Variants in PTPRO observed in about 807,000 individuals in gnomAD.
The protein encoded by PTPRO is protein tyrosine phosphatase receptor type O.
A neutral mutation model predicts 145.2 loss-of-function variants in PTPRO; 62 were observed. That is an observed-to-expected ratio of 0.43 (90% CI 0.35 to 0.53). PTPRO has a LOEUF of 0.53. Ranked by LOEUF, PTPRO falls within the 20% of genes least tolerant of loss-of-function variation. PTPRO has a pLI of 0.01. For missense variants in PTPRO, 1,345 were observed against 1,482.7 expected (o/e 0.91, Z 1.53); for synonymous variants, 565 against 514.7 (o/e 1.10, Z -1.32).
intron 10 of PTPRO, 49 bp from the exon 11 acceptor site, chr12:15,524,765 T>C (rs1443233284): frequency 6.4e-7 from 1 of 1,563,364 alleles, no homozygotes; most frequent in Admixed American, 1.7e-5. Context: ...GGTAAGTACT[T>C]TATTTATCCA....
At chr12:15,347,809 A>G (rs917298132) in intron 1 of PTPRO, among the ~76,000 whole-genome samples, 1 of 152,356 alleles carries the variant, frequency 6.6e-6, no homozygotes, top group Admixed American at 6.5e-5. Flanking sequence ...ATTCATTTGC[A>G]TGGCCCCATG....
chr12:15,460,254 T>C (rs1319955327), intron 1 of PTPRO, among the ~76,000 whole-genome samples: 3 of 152,192 alleles, frequency 2.0e-5, no homozygotes, highest in Admixed American at 2.0e-4. Context: ...AGCATGTGTC[T>C]TGTGGATCAG....
intron 1 of PTPRO, among the ~76,000 whole-genome samples, chr12:15,334,378 C>T (rs1371961620): frequency 6.6e-6 from 1 of 152,026 alleles, no homozygotes; most frequent in Non-Finnish European, 1.5e-5. Context: ...TTTTATTATG[C>T]AACACAGACA....
At chr12:15,455,695 T>C (rs1250916790) in intron 1 of PTPRO, among the ~76,000 whole-genome samples, 1 of 152,228 alleles carries the variant, frequency 6.6e-6, no homozygotes, top group Non-Finnish European at 1.5e-5. Context: ...TGATTTTGTA[T>C]GTTGATTTTG....
In PTPRO at chr12:15,504,134, A is replaced by G. The variant is rs913841128; in HGVS notation, c.1267+65A>G. On this transcript the variant is annotated intron_variant, in intron 6 of 26. Coordinates refer to ENST00000281171, the MANE Select transcript of PTPRO (RefSeq NM_030667.3). Reference sequence around the variant, plus strand: ...TAGAACAATGGAACTGGTGGGATTAATGATGCTCAGATGTCAATTATTCAC... The same window carrying G: ...TAGAACAATGGAACTGGTGGGATTAGTGATGCTCAGATGTCAATTATTCAC... The G allele has an allele frequency of 4.0e-6, 6 of 1,499,934 alleles. No homozygotes were observed. In the African/African-American group the frequency reaches 6.9e-5, roughly 17 times the overall value. The allele number at this position is 1,499,934 out of a possible 1,614,324, so 92.9% of individuals were successfully genotyped here.
intron 25 of PTPRO, 77 bp from the exon 26 acceptor site, chr12:15,594,860 A>G: frequency 1.9e-6 from 2 of 1,032,120 alleles, no homozygotes; most frequent in Non-Finnish European, 3.0e-6. Flanking sequence ...GATCTTGATC[A>G]TTAAAATTGT....
intron 1 of PTPRO, among the ~76,000 whole-genome samples, chr12:15,419,648 G>T (rs1478654867): frequency 6.6e-6 from 1 of 151,398 alleles, no homozygotes; most frequent in African/African-American, 2.4e-5. Flanking sequence ...GCATTTACTT[G>T]TTGATGCCCT....
chr12:15,577,072 T>C (rs957101826), intron 19 of PTPRO, among the ~76,000 whole-genome samples: 2 of 152,148 alleles, frequency 1.3e-5, no homozygotes, highest in Non-Finnish European at 2.9e-5. Flanking sequence ...GAACACTCAG[T>C]TATAAAATAA....
Position 15,515,585 on chromosome 12 carries a change from G to C in PTPRO, c.1552G>C (p.Gly518Arg), listed in dbSNP as rs1450086413. The change falls in exon 8 of 27, where the codon GGA becomes CGA. Residue 518 changes from glycine (G) to arginine (R), a missense_variant. Gly to Arg is a moderately radical substitution (Grantham distance 125). Around this residue, in one of 3 missense-constraint regions of PTPRO, gnomAD observed 1,130 missense variants for 1,214.7 expected, o/e 0.93. Transcript: ENST00000281171. ...ATACCTAAGGAAAGGCCCTTTGATTGGACCACCTTCAGATCCTGTGACATT... is the reference window on the plus strand; with the variant it reads ...ATACCTAAGGAAAGGCCCTTTGATTCGACCACCTTCAGATCCTGTGACATT... ...VIYLRKGPLI[G>R]PPSDPVTFAI... The C allele has an allele frequency of 6.2e-7, 1 of 1,613,884 alleles. No individual in the cohort carries two copies. The highest frequency in any genetic ancestry group is 2.2e-5 in the East Asian group (1 of 44,870).
chr12:15,447,073 A>G (rs892183565), intron 1 of PTPRO, among the ~76,000 whole-genome samples: 1 of 152,146 alleles, frequency 6.6e-6, no homozygotes, highest in African/African-American at 2.4e-5. Flanking sequence ...CATTCAGCAT[A>G]TGAATCATCT....
chr12:15,495,493 T>C (rs1386500600), intron 2 of PTPRO, among the ~76,000 whole-genome samples: 1 of 151,748 alleles, frequency 6.6e-6, no homozygotes, highest in East Asian at 1.9e-4. Context: ...TAAGGACATT[T>C]CTTTAGGTCA....
chr12:15,364,699 A>G (rs1351536803), intron 1 of PTPRO, among the ~76,000 whole-genome samples: 1 of 152,276 alleles, frequency 6.6e-6, no homozygotes, highest in East Asian at 1.9e-4. Flanking sequence ...AGTCATAGCA[A>G]CAGTGACACA....
chr12:15,336,939 T>A (rs1866783568), intron 1 of PTPRO, among the ~76,000 whole-genome samples: 1 of 152,196 alleles, frequency 6.6e-6, no homozygotes, highest in African/African-American at 2.4e-5. Flanking sequence ...ATGTGGGGAC[T>A]GCACCTCGCT....
At chr12:15,588,338 G>T (rs1393000277) in intron 24 of PTPRO, among the ~76,000 whole-genome samples, 1 of 152,100 alleles carries the variant, frequency 6.6e-6, no homozygotes, top group Non-Finnish European at 1.5e-5. Context: ...ATATAAATTT[G>T]CTTGAACTTT....
chr12:15,448,144 T>C (rs979678158), intron 1 of PTPRO, among the ~76,000 whole-genome samples: 2 of 151,928 alleles, frequency 1.3e-5, no homozygotes, highest in Non-Finnish European at 2.9e-5. Flanking sequence ...CTTTAGCCTA[T>C]AAGATATCAA....
chr12:15,351,453 G>A (rs1160947247), intron 1 of PTPRO, among the ~76,000 whole-genome samples: 1 of 152,002 alleles, frequency 6.6e-6, no homozygotes, highest in East Asian at 1.9e-4. Context: ...AAAACAAAAG[G>A]CCTATTAACC....
At chr12:15,343,202 A>C (rs142115814) in intron 1 of PTPRO, among the ~76,000 whole-genome samples, 97 of 152,056 alleles carry the variant, frequency 6.4e-4, no homozygotes, top group African/African-American at 1.6e-3. Flanking sequence ...AACGTTTTGA[A>C]ATCTTAATTG....
intron 19 of PTPRO, among the ~76,000 whole-genome samples, chr12:15,577,472 T>C (rs939899336): frequency 3.3e-5 from 5 of 152,194 alleles, no homozygotes; most frequent in Admixed American, 1.3e-4. Context: ...TATTCAATCC[T>C]AGAACGTGGT....
chr12:15,340,661 T>C (rs1406856968), intron 1 of PTPRO, among the ~76,000 whole-genome samples: 1 of 152,240 alleles, frequency 6.6e-6, no homozygotes, highest in African/African-American at 2.4e-5. Context: ...TGTTACGTGC[T>C]GATGGGGAGA....
Sources: allele counts gnomAD v4.1 joint callset (sites outside exome capture counted in the v4.1 genomes callset), GRCh38; gene constraint gnomAD v4.1.1; regional missense constraint gnomAD v4.1.1; transcripts MANE v1.5; gene names NCBI Gene and HGNC (gene_info 2026-07-23, HGNC 2026-07-21).